Variants in TNPO2 observed in about 807,000 individuals in gnomAD.
TNPO2 encodes transportin-2.
In TNPO2, 16 loss-of-function variants were observed where a neutral mutation model predicts 111.1. The observed-to-expected ratio is 0.14, with a 90% CI of 0.10 to 0.22. The LOEUF (loss-of-function observed/expected upper bound fraction) is 0.22. TNPO2 is among the 10% of genes least tolerant of loss of function. The pLI is 1.00. For missense variants in TNPO2, 530 were observed against 1,173.7 expected (o/e 0.45, Z 8.01); for synonymous variants, 481 against 475.8 (o/e 1.01, Z -0.14).
Position 12,721,399 on chromosome 19 carries a change from G to T in TNPO2, c.-13-409C>A. On this transcript the variant is annotated intron_variant, in intron 2 of 25. Coordinates refer to ENST00000425528, the MANE Select transcript of TNPO2 (RefSeq NM_001382241.1). The surrounding 1 kb of genome is among the most constrained non-coding windows in gnomAD (Gnocchi z 4.9). ...GGGCCCCGCCCCAGACCGTGATAGC[G>T]CCCCGGCCCCCGTGGTCTCTTCTAT... is the stretch of plus-strand genomic sequence containing the variant. 2.3e-6 allele frequency: 2 copies of T among 863,826 alleles called. No individual in the cohort carries two copies. The highest frequency in any genetic ancestry group is 3.3e-6 in the Non-Finnish European group (2 of 609,562). The allele number at this position is 863,826 out of a possible 1,614,324, so 53.5% of individuals were successfully genotyped here. A position where few individuals can be genotyped will look rare whatever the true frequency, so the allele number is the denominator to read the frequency against.
intron 13 of TNPO2, among the ~76,000 whole-genome samples, chr19:12,709,673 A>C (rs1272814660): frequency 2.2e-5 from 3 of 138,320 alleles, no homozygotes; most frequent in Non-Finnish European, 4.6e-5. Context: ...GGTAGATATG[A>C]GGTCTCACTA....
Position 12,721,730 on chromosome 19 carries a change from GC to G in TNPO2, c.-13-741del. ...CAAGCCCGGCCAACCCACTATAGGA[GC>G]CCCCTGGACCGATCCCAGTCGCCTT... On this transcript the variant is annotated intron_variant, in intron 2 of 25. Transcript: ENST00000425528. The surrounding 1 kb of genome is among the most constrained non-coding windows in gnomAD (Gnocchi z 4.9). The G allele has an allele frequency of 4.8e-6, 1 of 206,414 alleles. No individual in the cohort carries two copies. Among genetic ancestry groups the G allele is most frequent in the South Asian group, 5.8e-5 (1 of 17,318 alleles). 12.8% of individuals were successfully genotyped at this position (206,414 alleles called of 1,614,324 possible).
Position 12,715,551 on chromosome 19 carries a change from G to C in TNPO2, c.433-13C>G, listed in dbSNP as rs966851734. ...CTCCAAAGGCTCCCTGAGTGCAGAG[G>C]GGCAGAGAGACAAACGTGGGTGGTG... On this transcript the variant is annotated splice_polypyrimidine_tract_variant and intron_variant, in intron 6 of 25. Coordinates refer to ENST00000425528, the MANE Select transcript of TNPO2 (RefSeq NM_001382241.1). The surrounding 1 kb of genome is among the most constrained non-coding windows in gnomAD (Gnocchi z 7.1). 6.2e-7 allele frequency: 1 copy of C among 1,613,746 alleles called. No homozygotes were observed. The highest frequency in any genetic ancestry group is 8.5e-7 in the Non-Finnish European group (1 of 1,179,810).
chr19:12,704,297 A>G (rs2025494923), intron 18 of TNPO2, among the ~76,000 whole-genome samples: 1 of 145,872 alleles, frequency 6.9e-6, no homozygotes, highest in South Asian at 2.3e-4. Context: ...TGAACCCTGG[A>G]GGTGAAGGTT....
chr19:12,719,193 G>A lies in TNPO2; in HGVS notation c.176-15C>T. 6.2e-7 allele frequency: 1 copy of A among 1,613,928 alleles called. No individual in the cohort carries two copies. Among genetic ancestry groups the A allele is most frequent in the South Asian group, 1.1e-5 (1 of 91,084 alleles). ...CGTTGGCTCATCTGGGAGGAGGAAG[G>A]CTGAGGTTCAGGGGCCCAGGGGGAG... On this transcript the variant is annotated splice_polypyrimidine_tract_variant and intron_variant, in intron 4 of 25. Coordinates refer to ENST00000425528, the MANE Select transcript of TNPO2 (RefSeq NM_001382241.1). The surrounding 1 kb of genome is among the most constrained non-coding windows in gnomAD (Gnocchi z 5.0).
rs981083368 is a variant in TNPO2 at position 12,721,235 on chromosome 19, G to A, written c.-13-245C>T. ...AAACGGGCCACAGGCGGCGGCGGCG[G>A]GGCCCGGCGGATCCTCATGGGACCC... On this transcript the variant is annotated intron_variant, in intron 2 of 25. Coordinates refer to ENST00000425528, the MANE Select transcript of TNPO2 (RefSeq NM_001382241.1). The surrounding 1 kb of genome is among the most constrained non-coding windows in gnomAD (Gnocchi z 4.9). The A allele has an allele frequency of 1.5e-6, 2 of 1,308,560 alleles. No individual in the cohort carries two copies. Among genetic ancestry groups the A allele is most frequent in the African/African-American group, 1.6e-5 (1 of 62,882 alleles). The allele number at this position is 1,308,560 out of a possible 1,614,324, so 81.1% of individuals were successfully genotyped here.
chr19:12,717,340 T>C (rs2026422455), intron 5 of TNPO2, among the ~76,000 whole-genome samples: 2 of 150,434 alleles, frequency 1.3e-5, no homozygotes, highest in Admixed American at 1.3e-4. Context: ...GGCACAATCT[T>C]GGCTCACTGC....
chr19:12,711,020 G>A (rs1294152348), intron 12 of TNPO2, among the ~76,000 whole-genome samples: 2 of 151,988 alleles, frequency 1.3e-5, no homozygotes, highest in African/African-American at 2.4e-5. Flanking sequence ...TCAGCCTCCC[G>A]AGTAGCTGGG....
At chr19:12,722,418 G>C (rs1190488377) in intron 2 of TNPO2, 2 of 150,980 alleles carry the variant, frequency 1.3e-5, no homozygotes, top group East Asian at 2.0e-4. Flanking sequence ...CTCGGTGCCC[G>C]GCGGGGGTCG....
chr19:12,701,510 C>T lies in TNPO2; in HGVS notation c.2587-57G>A. On this transcript the variant is annotated intron_variant, in intron 24 of 25. Transcript: ENST00000425528. This position sits in a 1 kb window ranked among gnomAD's most constrained non-coding sequence, Gnocchi z 5.0. ...GGGGCAGAACAAGGGGAGTGCGCCTCTTCCCCCATCCCCAGGCCCCATTGT... is the reference window on the plus strand; with the variant it reads ...GGGGCAGAACAAGGGGAGTGCGCCTTTTCCCCCATCCCCAGGCCCCATTGT... The T allele has an allele frequency of 6.3e-7, 1 of 1,593,086 alleles. No homozygotes were observed. The highest frequency in any genetic ancestry group is 1.1e-5 in the South Asian group (1 of 90,592).
intron 3 of TNPO2, among the ~76,000 whole-genome samples, chr19:12,720,408 C>T (rs937890513): frequency 3.9e-5 from 6 of 152,168 alleles, no homozygotes; most frequent in Admixed American, 6.5e-5. Context: ...ACAACCTCTA[C>T]CTCCTGGGCT....
chr19:12,715,761 G>A lies in TNPO2; in HGVS notation c.326-22C>T, dbSNP rs1270643536. 6 of 1,578,062 alleles carry A rather than the reference G, an allele frequency of 3.8e-6. No homozygotes were observed. The highest frequency in any genetic ancestry group is 1.1e-5 in the South Asian group (1 of 87,414). The stretch of plus-strand genomic sequence containing the variant: ...ATGCCTGGGGCGGCCGGGAAAGGAC[G>A]CTGCCTGAGGCTGGGCAGGGGCTGC... On this transcript the variant is annotated intron_variant, in intron 5 of 25. Transcript: ENST00000425528. The surrounding 1 kb of genome is among the most constrained non-coding windows in gnomAD (Gnocchi z 7.1).
At chr19:12,716,868 CTA>C (rs1479538076) in intron 5 of TNPO2, among the ~76,000 whole-genome samples, 1 of 151,934 alleles carries the variant, frequency 6.6e-6, no homozygotes, top group African/African-American at 2.4e-5. Context: ...GCAGGGGACT[CTA>C]TGGTGCAAAG....
intron 18 of TNPO2, among the ~76,000 whole-genome samples, chr19:12,704,932 C>G (rs1186034215): frequency 6.6e-6 from 1 of 152,154 alleles, no homozygotes; most frequent in African/African-American, 2.4e-5. Flanking sequence ...ATTCACCTGC[C>G]ACAGCCTCCC....
At chr19:12,711,673 C>T in intron 10 of TNPO2, 60 bp from the exon 11 acceptor site, 1 of 1,510,476 alleles carries the variant, frequency 6.6e-7, no homozygotes, top group Non-Finnish European at 9.1e-7. Flanking sequence ...TGGGGGGAGG[C>T]ACAGCTTGGG....
chr19:12,720,613 G>A (rs140527699), intron 3 of TNPO2, among the ~76,000 whole-genome samples: 1 of 152,204 alleles, frequency 6.6e-6, no homozygotes, highest in African/African-American at 2.4e-5. Context: ...GAGCCACCCC[G>A]TTGGGCCAGG....
At chr19:12,707,939 A>G (rs1309368937) in intron 13 of TNPO2, among the ~76,000 whole-genome samples, 6 of 149,492 alleles carry the variant, frequency 4.0e-5, no homozygotes, top group African/African-American at 1.2e-4. Flanking sequence ...TCCTGCCTCA[A>G]CCTCCCCAGT....
intron 5 of TNPO2, among the ~76,000 whole-genome samples, chr19:12,718,479 T>C (rs998505153): frequency 6.6e-6 from 1 of 152,110 alleles, no homozygotes; most frequent in Non-Finnish European, 1.5e-5. Context: ...AAGTTTTTTG[T>C]ATTTTAAGTA....
Position 12,719,213 on chromosome 19 carries a change from G to A in TNPO2, c.176-35C>T, listed in dbSNP as rs746173753. The A allele has an allele frequency of 1.2e-6, 2 of 1,613,866 alleles. No homozygotes were observed. Among genetic ancestry groups the A allele is most frequent in the South Asian group, 1.1e-5 (1 of 91,088 alleles). ...GGAAGGCTGAGGTTCAGGGGCCCAG[G>A]GGGAGAAAGCAGGGTCCCGATCGCA... On this transcript the variant is annotated intron_variant, in intron 4 of 25. Coordinates refer to ENST00000425528, the MANE Select transcript of TNPO2 (RefSeq NM_001382241.1). The surrounding 1 kb of genome is among the most constrained non-coding windows in gnomAD (Gnocchi z 5.0).
Sources: gnomAD v4.1 joint callset for allele counts (sites outside exome capture counted in the v4.1 genomes callset) on GRCh38, gnomAD v4.1.1 for gene constraint, Gnocchi (gnomAD v3.1) non-coding constraint, MANE v1.5 for transcripts, NCBI Gene and HGNC (gene_info 2026-07-23, HGNC 2026-07-21) for gene names.